REC114: variants seen among roughly 807,000 people sequenced by gnomAD.
REC114 encodes the protein REC114 meiotic recombination protein.
Under a neutral mutation model 31.3 loss-of-function variants are expected in REC114, and 27 were observed. The ratio of observed to expected loss-of-function variants is 0.86; its 90% confidence interval spans 0.64 to 1.19. The LOEUF (loss-of-function observed/expected upper bound fraction) is 1.19. Among genes scored for constraint, REC114 ranks in the 50% most tolerant of loss-of-function variants. REC114 has a pLI of 0.00. For missense variants in REC114, 344 were observed against 326.9 expected, an observed-to-expected ratio of 1.05 and a Z score of -0.40; for synonymous variants, 134 against 127.7, an observed-to-expected ratio of 1.05 and a Z score of -0.33.
chr15:73,515,079 A>G (rs1422538906), intron 2 of REC114, among the ~76,000 whole-genome samples: 2 of 151,982 alleles, frequency 1.3e-5, no homozygotes, highest in African/African-American at 4.8e-5. Flanking sequence ...AGCTGAGACT[A>G]TAGGCATGCA....
rs533028253 is a variant in REC114 at position 73,454,489 on chromosome 15, G to A, written c.159+11145G>A. 9.5e-4 allele frequency among the ~76,000 whole-genome samples: 144 copies of A among 152,198 alleles called. 2 individuals are homozygous for A. The South Asian group carries it at 0.029, about 31-fold the overall frequency. Reference sequence around the variant, plus strand: ...TTGGCTGTGAGTATGATTAGAGAAAGGGCACAATGAATTATTCACCACATT... The same window carrying A: ...TTGGCTGTGAGTATGATTAGAGAAAAGGCACAATGAATTATTCACCACATT... On this transcript the variant is annotated intron_variant, in intron 1 of 5. Coordinates refer to ENST00000331090, the MANE Select transcript of REC114 (RefSeq NM_001042367.2).
At chr15:73,446,835 G>A (rs143268769) in intron 1 of REC114, among the ~76,000 whole-genome samples, 41 of 152,300 alleles carry the variant, frequency 2.7e-4, no homozygotes, top group East Asian at 5.8e-4. Flanking sequence ...GGAAGCCACC[G>A]AACAGTTTTA....
intron 2 of REC114, among the ~76,000 whole-genome samples, chr15:73,504,147 C>T (rs532288713): frequency 6.6e-6 from 1 of 151,796 alleles, no homozygotes; most frequent in East Asian, 1.9e-4. Flanking sequence ...GCTGGTACTA[C>T]AGGCACGCAC....
At chr15:73,506,551 A>G (rs72741467) in intron 2 of REC114, among the ~76,000 whole-genome samples, 2,794 of 152,368 alleles carry the variant, frequency 0.018, 41 homozygotes, top group Middle Eastern at 0.044. Flanking sequence ...TAGGTCAGAA[A>G]TTGTTAACTA....
chr15:73,557,895 T>C (rs1332321332), intron 5 of REC114, among the ~76,000 whole-genome samples: 2 of 152,240 alleles, frequency 1.3e-5, no homozygotes. Flanking sequence ...ACATATCAAA[T>C]TTAATATTAT....
intron 2 of REC114, among the ~76,000 whole-genome samples, chr15:73,510,913 T>C (rs1893755242): frequency 6.6e-6 from 1 of 152,174 alleles, no homozygotes; most frequent in Admixed American, 6.5e-5. Context: ...TCTTTTTTGG[T>C]TGTGTCTCTG....
chr15:73,510,285 C>G (rs373717077), intron 2 of REC114, among the ~76,000 whole-genome samples: 1 of 152,148 alleles, frequency 6.6e-6, no homozygotes, highest in Admixed American at 6.5e-5. Context: ...TTTTTGCACA[C>G]TGATTTTGTA....
At chr15:73,467,792 A>G (rs1009635476) in intron 1 of REC114, among the ~76,000 whole-genome samples, 4 of 152,208 alleles carry the variant, frequency 2.6e-5, no homozygotes, top group Non-Finnish European at 4.4e-5. Flanking sequence ...AACAACGCAA[A>G]CATTAGCTTA....
At chr15:73,458,210 A>T (rs1309365561) in intron 1 of REC114, among the ~76,000 whole-genome samples, 2 of 152,224 alleles carry the variant, frequency 1.3e-5, no homozygotes, top group African/African-American at 4.8e-5. Flanking sequence ...AAGTATTTTC[A>T]TAAACCTTTT....
intron 2 of REC114, among the ~76,000 whole-genome samples, chr15:73,513,233 G>A (rs1267321461): frequency 4.6e-5 from 7 of 151,004 alleles, no homozygotes; most frequent in South Asian, 4.2e-4. Flanking sequence ...CCAGTTGATC[G>A]CATCGGCTCC....
chr15:73,540,071 A>G (rs1341936544), intron 2 of REC114, among the ~76,000 whole-genome samples: 4 of 152,298 alleles, frequency 2.6e-5, no homozygotes, highest in East Asian at 3.9e-4. Flanking sequence ...GATTCTTATG[A>G]AGAGAATTCT....
chr15:73,548,234 G>A (rs989966207), intron 3 of REC114, among the ~76,000 whole-genome samples: 1 of 152,056 alleles, frequency 6.6e-6, no homozygotes. Flanking sequence ...TCCGCCTCCC[G>A]AATAGCTGGG....
chr15:73,443,968 C>T lies in REC114; in HGVS notation c.159+624C>T, dbSNP rs149918173. ...GCAAGTTACGACCTTTTTGGCTTCT[C>T]AGTGCATATAAAACCTGTGTTTGCA... On this transcript the variant is annotated intron_variant, in intron 1 of 5. Transcript: ENST00000331090. Among the ~76,000 whole-genome samples the T allele has an allele frequency of 4.8e-3, 730 of 152,306 alleles. 6 individuals are homozygous for T. The highest frequency in any genetic ancestry group is 0.017 in the African/African-American group (692 of 41,572).
rs535558156 is a variant in REC114 at position 73,500,692 on chromosome 15, C to A, written c.249+26771C>A. Among the ~76,000 whole-genome samples, 4 of 131,570 alleles carry A rather than the reference C, an allele frequency of 3.0e-5. No homozygotes were observed. The East Asian group carries it at 8.7e-4, about 29-fold the overall frequency. The allele number at this position is 131,570 out of a possible 152,430, so 86.3% of individuals were successfully genotyped here. A position where few individuals can be genotyped will look rare whatever the true frequency, so the allele number is the denominator to read the frequency against. ...AAGTTACAGCTCATTTTTTAAATGT[C>A]TGTTTGTTTTTTAAAGCCTGTTCTC... On this transcript the variant is annotated intron_variant, in intron 2 of 5. Transcript: ENST00000331090.
chr15:73,464,409 T>C (rs1273623793), intron 1 of REC114, among the ~76,000 whole-genome samples: 2 of 152,180 alleles, frequency 1.3e-5, no homozygotes, highest in Non-Finnish European at 2.9e-5. Context: ...CTCTAGCAGC[T>C]TGTTCCCCCG....
intron 2 of REC114, among the ~76,000 whole-genome samples, chr15:73,539,680 A>G (rs1358596044): frequency 6.6e-6 from 1 of 151,876 alleles, no homozygotes; most frequent in East Asian, 1.9e-4. Context: ...GCTGTGGTGG[A>G]CTAACATTTA....
chr15:73,478,217 C>T (rs376701862), intron 2 of REC114, among the ~76,000 whole-genome samples: 13 of 133,294 alleles, frequency 9.8e-5, no homozygotes, highest in East Asian at 4.5e-4. Context: ...TGACCCGACA[C>T]GGTGCCACTG....
At chr15:73,528,064 A>T (rs566562046) in intron 2 of REC114, among the ~76,000 whole-genome samples, 82 of 147,590 alleles carry the variant, frequency 5.6e-4, no homozygotes, top group Admixed American at 1.5e-3. Context: ...ACACTTTTTT[A>T]AAAAAAAACC....
chr15:73,446,376 A>G (rs1892765096), intron 1 of REC114, among the ~76,000 whole-genome samples: 1 of 152,240 alleles, frequency 6.6e-6, no homozygotes, highest in Non-Finnish European at 1.5e-5. Context: ...GTGGTGGCTC[A>G]TGCCTGTAAT....
Sources: allele counts gnomAD v4.1 joint callset (sites outside exome capture counted in the v4.1 genomes callset), GRCh38; gene constraint gnomAD v4.1.1; transcripts MANE v1.5; gene names NCBI Gene and HGNC (gene_info 2026-07-23, HGNC 2026-07-21).